The following ST3GAL5 variants were observed in gnomAD, a reference collection of about 807,000 sequenced individuals.
ST3GAL5 encodes lactosylceramide alpha-2,3-sialyltransferase.
ST3GAL5 carries 25 observed loss-of-function variants against 46.1 expected under a neutral mutation model. The ratio of observed to expected loss-of-function variants is 0.54; its 90% CI spans 0.40 to 0.76. The LOEUF (loss-of-function observed/expected upper bound fraction) is 0.76. ST3GAL5 is among the 30% of genes least tolerant of loss of function. The probability of loss-of-function intolerance (pLI) is 0.00; values close to 1 mark genes in which losing one functional copy is unlikely to be tolerated. For missense variants in ST3GAL5, 431 were observed against 521.2 expected (o/e 0.83, Z 1.69); for synonymous variants, 182 against 192.7 (o/e 0.94, Z 0.46).
chr2:85,837,189 A>G lies in ST3GAL5; in HGVS notation c.*2955T>C, dbSNP rs376680866. The G allele has an allele frequency of 1.3e-5, 2 of 152,228 alleles. No individual in the cohort carries two copies. The highest frequency in any genetic ancestry group is 4.8e-5 in the African/African-American group (2 of 41,452). 9.4% of individuals were successfully genotyped at this position (152,228 alleles called of 1,614,324 possible). On this transcript the variant is annotated 3_prime_UTR_variant, in exon 7 of 7. Coordinates refer to ENST00000638572, the MANE Select transcript of ST3GAL5 (RefSeq NM_003896.4). ...CATAGCCAAAACATGAAATCAACCT[A>G]AGTGTCCATCAATGGGTGAATGAAT... is the stretch of plus-strand genomic sequence containing the variant.
At chr2:85,881,008 C>CCA in intron 1 of ST3GAL5, 2 of 503,312 alleles carry the variant, frequency 4.0e-6, no homozygotes, top group South Asian at 2.9e-5. Context: ...CCCAGAATTC[C>CCA]CACGTGTTGT....
chr2:85,878,675 G>A (rs1211518074), intron 1 of ST3GAL5, among the ~76,000 whole-genome samples: 2 of 152,148 alleles, frequency 1.3e-5, no homozygotes, highest in African/African-American at 4.8e-5. Context: ...CATACACCAA[G>A]CACTGGGAAT....
At chr2:85,861,117 T>G in intron 3 of ST3GAL5, 64 bp downstream of exon 3, 1 of 1,073,850 alleles carries the variant, frequency 9.3e-7, no homozygotes, top group South Asian at 1.3e-5. Flanking sequence ...AGACTAATGA[T>G]ATTATAGTTT....
chr2:85,857,710 G>A (rs1283104248), intron 3 of ST3GAL5, among the ~76,000 whole-genome samples: 1 of 152,098 alleles, frequency 6.6e-6, no homozygotes, highest in Non-Finnish European at 1.5e-5. Flanking sequence ...AGACTAAGGA[G>A]TCTGGGTATT....
chr2:85,867,568 C>T (rs779416371), intron 1 of ST3GAL5: 1 of 780,814 alleles, frequency 1.3e-6, no homozygotes, highest in South Asian at 1.3e-5. Flanking sequence ...GCTGACGAAT[C>T]CAGTTTCTCA....
chr2:85,848,446 CAAG>C (rs1215015294), intron 3 of ST3GAL5: 3 of 1,477,814 alleles, frequency 2.0e-6, no homozygotes, highest in Admixed American at 2.0e-5. Flanking sequence ...ACAGGCAAAG[CAAG>C]AAGGACTCCC....
rs7558479 is a variant in ST3GAL5 at position 85,863,098 on chromosome 2, G to A, written c.206+264C>T. Among the ~76,000 whole-genome samples the A allele has an allele frequency of 0.18, 26,853 of 152,190 alleles. 2,817 individuals are homozygous for A. The highest frequency in any genetic ancestry group is 0.34 in the South Asian group (1,643 of 4,814). On this transcript the variant is annotated intron_variant, in intron 2 of 6. Transcript: ENST00000638572. The stretch of plus-strand genomic sequence containing the variant: ...TGAAGAGCAGTGCACGGTGAGAGCT[G>A]CTCTCCCAGGCATCCAGGCCAAGGT...
chr2:85,846,264 A>G, intron 5 of ST3GAL5, 113 bp downstream of exon 5: 1 of 951,606 alleles, frequency 1.1e-6, no homozygotes, highest in Non-Finnish European at 1.6e-6. Context: ...GAAAGACAAC[A>G]CATAAGTATG....
chr2:85,887,808 CCA>C (rs975038610), intron 1 of ST3GAL5: 1 of 152,274 alleles, frequency 6.6e-6, no homozygotes, highest in Non-Finnish European at 1.5e-5. Flanking sequence ...CAGCTAAACA[CCA>C]GAGGGCAGGA....
Position 85,846,467 on chromosome 2 carries a change from A to C in ST3GAL5, c.759T>G (p.Leu253=). The change falls in exon 5 of 7, where the codon CTT becomes CTG. Residue 253 remains leucine (L), a synonymous_variant. Coordinates refer to ENST00000638572, the MANE Select transcript of ST3GAL5 (RefSeq NM_003896.4). The stretch of plus-strand genomic sequence containing the variant: ...CAAATAAGTCATTGGAATAATATTC[A>C]AGGTCAGACAGTGGTGCGCCCTCTG... ...TYPEGAPLSD[L]EYYSNDLFVA... 1 of 1,614,232 alleles carries C rather than the reference A, an allele frequency of 6.2e-7. No homozygotes were observed. The highest frequency in any genetic ancestry group is 8.5e-7 in the Non-Finnish European group (1 of 1,180,036).
intron 1 of ST3GAL5, among the ~76,000 whole-genome samples, chr2:85,878,539 T>A (rs1171939545): frequency 7.6e-6 from 1 of 131,018 alleles, no homozygotes; most frequent in African/African-American, 3.0e-5. Flanking sequence ...CATACAATGG[T>A]CGCCTGACAG....
At chr2:85,847,275 C>T in intron 4 of ST3GAL5, 1 of 744,668 alleles carries the variant, frequency 1.3e-6, no homozygotes. Flanking sequence ...AAGTCTCTTG[C>T]TGTGTCCTCT....
intron 2 of ST3GAL5, among the ~76,000 whole-genome samples, chr2:85,862,737 C>G (rs1684860781): frequency 6.6e-6 from 1 of 152,152 alleles, no homozygotes; most frequent in Admixed American, 6.5e-5. Flanking sequence ...AAGCCTTATT[C>G]TTATAAATTT....
intron 1 of ST3GAL5, among the ~76,000 whole-genome samples, chr2:85,870,887 A>G (rs4432451): frequency 0.73 from 110,949 of 151,882 alleles, 40,865 homozygotes; most frequent in East Asian, 0.99. Flanking sequence ...ATGGTCTCAA[A>G]CTCCTGACCT....
chr2:85,840,942 CAA>C (rs1272089535), intron 6 of ST3GAL5, among the ~76,000 whole-genome samples: 166 of 24,158 alleles, frequency 6.9e-3, no homozygotes, highest in African/African-American at 0.021. Flanking sequence ...GACTCTGTCT[CAA>C]AAAAAAAAAA....
intron 1 of ST3GAL5, among the ~76,000 whole-genome samples, chr2:85,869,482 G>A (rs537984434): frequency 1.1e-3 from 160 of 151,664 alleles, no homozygotes; most frequent in Non-Finnish European, 2.1e-3. Context: ...CTTAAGCTAC[G>A]ATTGAAATTT....
chr2:85,887,796 G>A (rs973173358), intron 1 of ST3GAL5: 2 of 152,212 alleles, frequency 1.3e-5, no homozygotes, highest in Non-Finnish European at 2.9e-5. Flanking sequence ...CCCGGGGGAG[G>A]GCAGCTAAAC....
At chr2:85,880,065 A>C (rs1035531920) in intron 1 of ST3GAL5, among the ~76,000 whole-genome samples, 1 of 152,224 alleles carries the variant, frequency 6.6e-6, no homozygotes, top group Non-Finnish European at 1.5e-5. Flanking sequence ...AACCCATGGT[A>C]TTCAGTAATC....
intron 2 of ST3GAL5, among the ~76,000 whole-genome samples, chr2:85,862,626 T>A (rs1428563686): frequency 6.6e-6 from 1 of 152,214 alleles, no homozygotes; most frequent in Non-Finnish European, 1.5e-5. Flanking sequence ...CGCAGGTCTA[T>A]CTCCCCTGCT....
Sources: gnomAD v4.1 joint callset for allele counts (sites outside exome capture counted in the v4.1 genomes callset) on GRCh38, gnomAD v4.1.1 for gene constraint, MANE v1.5 for transcripts, NCBI Gene and HGNC (gene_info 2026-07-23, HGNC 2026-07-21) for gene names.